Variants in TBC1D8B observed in about 807,000 individuals in gnomAD.
TBC1D8B encodes TBC1 domain family member 8B.
Under a neutral mutation model 82.9 loss-of-function variants are expected in TBC1D8B, and 75 were observed. The ratio of observed to expected loss-of-function variants is 0.90; its 90% CI spans 0.75 to 1.10. TBC1D8B has a LOEUF of 1.10. Ranked by LOEUF, TBC1D8B falls within the 50% of genes least tolerant of loss-of-function variation. TBC1D8B has a pLI of 0.00. For synonymous variants in TBC1D8B, 276 were observed against 276.8 expected (o/e 1.00, Z 0.03); for missense variants, 794 against 796.9 (o/e 1.00, Z 0.04).
In TBC1D8B at chrX:106,811,119, T is replaced by A. The variant is rs184138926; in HGVS notation, c.131-7544T>A. Among the ~76,000 whole-genome samples, 9 of 112,228 alleles carry A rather than the reference T, an allele frequency of 8.0e-5. No individual in the cohort carries two copies. In the East Asian group the frequency reaches 2.5e-3, roughly 32 times the overall value. On this transcript the variant is annotated intron_variant, in intron 1 of 20. Coordinates refer to ENST00000357242, the MANE Select transcript of TBC1D8B (RefSeq NM_017752.3). Reference sequence around the variant, plus strand: ...TATGCAAAGAGATCTTTAAAGGTAATTTTTTACTTGATTTCAGAGAATAAA... The same window carrying A: ...TATGCAAAGAGATCTTTAAAGGTAAATTTTTACTTGATTTCAGAGAATAAA...
intron 14 of TBC1D8B, among the ~76,000 whole-genome samples, chrX:106,860,387 T>G (rs1436890033): frequency 8.3e-5 from 7 of 83,961 alleles, no homozygotes; most frequent in Non-Finnish European, 1.8e-4. Context: ...GTGTGTGTGT[T>G]TCTGATTCAA....
At chrX:106,821,845 G>A (rs748407340) in intron 3 of TBC1D8B, 132 bp from the exon 4 acceptor site, 8 of 538,158 alleles carry the variant, frequency 1.5e-5, no homozygotes, top group African/African-American at 2.4e-5. Context: ...CTGGTTGGTT[G>A]AATCCATGGA....
chrX:106,833,900 C>T (rs1937304), intron 7 of TBC1D8B, among the ~76,000 whole-genome samples: 42,612 of 109,445 alleles, frequency 0.39, 7,598 homozygotes, highest in Middle Eastern at 0.6. Context: ...AAAAATGTAA[C>T]TCCTCGTTCA....
rs1363563826 is a variant in TBC1D8B at position 106,840,891 on chromosome X, CT to C, written c.1719+9del. 2.5e-6 allele frequency: 3 copies of C among 1,190,611 alleles called. No homozygotes were observed. In the African/African-American group the frequency reaches 5.3e-5, roughly 21 times the overall value. On this transcript the variant is annotated splice_region_variant and intron_variant, in intron 10 of 20. Coordinates refer to ENST00000357242, the MANE Select transcript of TBC1D8B (RefSeq NM_017752.3). ...CAAAATTGGATACTGCCAGGTATGA[CT>C]TAACTATGAGCCCAACTGTGTGTAT...
In TBC1D8B at chrX:106,849,220, A is replaced by ATTTTTTTT. The variant is rs761948032; in HGVS notation, c.1838-790_1838-783dup. The ATTTTTTTT allele has an allele frequency of 6.5e-5, 57 of 879,188 alleles. 6 individuals carry two copies. The highest frequency in any genetic ancestry group is 8.4e-5 in the Admixed American group (2 of 23,874). The allele number at this position is 879,188 out of a possible 1,213,427, so 72.5% of individuals were successfully genotyped here. The stretch of plus-strand genomic sequence containing the variant: ...TGTCTTTCATTATAATTATTTGTGT[A>ATTTTTTTT]TTTTTTTTTTTTTTTTTTTTTTAGG... On this transcript the variant is annotated intron_variant, in intron 11 of 20. Transcript: ENST00000357242.
chrX:106,816,499 C>T (rs1246557708), intron 1 of TBC1D8B, among the ~76,000 whole-genome samples: 4 of 110,975 alleles, frequency 3.6e-5, no homozygotes, highest in South Asian at 3.8e-4. Flanking sequence ...TAATTCCCTC[C>T]TCATTAGTTG....
rs751816443 is a variant in TBC1D8B, at chrX:106,837,124, C to T, written c.1204-2184C>T. Among the ~76,000 whole-genome samples, 25 of 111,924 alleles carry T rather than the reference C, an allele frequency of 2.2e-4. No homozygotes were observed. In the East Asian group the frequency reaches 6.7e-3, roughly 30 times the overall value. On this transcript the variant is annotated intron_variant, in intron 7 of 20. Transcript: ENST00000357242. Reference sequence around the variant, plus strand: ...ACACATAGGAGTTAATCTTCATGATCTTGAATTAGGCAATTGTTTATAGAT... The same window carrying T: ...ACACATAGGAGTTAATCTTCATGATTTTGAATTAGGCAATTGTTTATAGAT...
chrX:106,810,392 GT>G (rs1299517463), intron 1 of TBC1D8B, among the ~76,000 whole-genome samples: 1 of 111,830 alleles, frequency 8.9e-6, no homozygotes, highest in Non-Finnish European at 1.9e-5. Context: ...ATTCATTTAC[GT>G]GGAGTTGAAA....
At chrX:106,837,520 T>C in intron 7 of TBC1D8B, among the ~76,000 whole-genome samples, 1 of 111,751 alleles carries the variant, frequency 8.9e-6, no homozygotes, top group Non-Finnish European at 1.9e-5. Context: ...CTAGGGTGGC[T>C]ATAATTAAAA....
chrX:106,867,604 A>G (rs772078831), intron 17 of TBC1D8B, among the ~76,000 whole-genome samples: 7 of 108,614 alleles, frequency 6.4e-5, no homozygotes, highest in African/African-American at 2.5e-4. Context: ...CCTGATCCCT[A>G]CTTTGTGAAA....
chrX:106,844,492 T>A (rs1569453659), intron 10 of TBC1D8B, among the ~76,000 whole-genome samples: 1 of 100,714 alleles, frequency 9.9e-6, no homozygotes, highest in Non-Finnish European at 1.9e-5. Context: ...TATATATATA[T>A]AAACATATAT....
At chrX:106,854,153 A>T in intron 13 of TBC1D8B, 45 bp from the exon 14 acceptor site, 1 of 869,369 alleles carries the variant, frequency 1.2e-6, no homozygotes, top group African/African-American at 2.1e-5. Flanking sequence ...GAAAAAGTGG[A>T]TGTTTATTAT....
intron 14 of TBC1D8B, among the ~76,000 whole-genome samples, chrX:106,863,595 G>A (rs1035410045): frequency 1.8e-5 from 2 of 111,540 alleles, no homozygotes; most frequent in South Asian, 3.8e-4. Flanking sequence ...TGGGAGCTGC[G>A]GGAGTGAGTA....
In TBC1D8B at chrX:106,853,316, G is replaced by A. The variant is rs1932630426; in HGVS notation, c.2124-205G>A. Among the ~76,000 whole-genome samples the A allele has an allele frequency of 5.4e-5, 6 of 111,375 alleles. No homozygotes were observed. In the South Asian group the frequency reaches 2.3e-3, roughly 42 times the overall value. On this transcript the variant is annotated intron_variant, in intron 12 of 20. Coordinates refer to ENST00000357242, the MANE Select transcript of TBC1D8B (RefSeq NM_017752.3). ...CTGAAGTTGCTTATCAGCTTGAGGAGATTTTGGGCTGAGACGATGGGGTTT... is the reference window on the plus strand; with the variant it reads ...CTGAAGTTGCTTATCAGCTTGAGGAAATTTTGGGCTGAGACGATGGGGTTT...
chrX:106,819,543 T>G (rs1317199613), intron 2 of TBC1D8B, among the ~76,000 whole-genome samples: 5 of 111,238 alleles, frequency 4.5e-5, no homozygotes, highest in African/African-American at 1.3e-4. Flanking sequence ...ATTATAATTT[T>G]TTAAAAAGAA....
At chrX:106,845,620 G>A (rs947262131) in intron 10 of TBC1D8B, among the ~76,000 whole-genome samples, 5 of 111,067 alleles carry the variant, frequency 4.5e-5, no homozygotes, top group African/African-American at 1.6e-4. Flanking sequence ...AAAGCTGGAA[G>A]ATTAGCTGGA....
At position 106,828,626 on chromosome X, in the gene TBC1D8B, G is replaced by T. The variant is rs1169577010; in HGVS notation, c.1203+1289G>T. On this transcript the variant is annotated intron_variant, in intron 7 of 20. Coordinates refer to ENST00000357242, the MANE Select transcript of TBC1D8B (RefSeq NM_017752.3). ...GTGGGCTTCATCCCTGGGATGCAAGGCTGGTTCAATATACACAAATCAATA... is the reference window on the plus strand; with the variant it reads ...GTGGGCTTCATCCCTGGGATGCAAGTCTGGTTCAATATACACAAATCAATA... The T allele has an allele frequency of 6.4e-5, 7 of 109,565 alleles. No individual in the cohort carries two copies. In the East Asian group the frequency reaches 2.0e-3, roughly 31 times the overall value. 9.0% of individuals were successfully genotyped at this position (109,565 alleles called of 1,213,427 possible).
rs775314838 is a variant in TBC1D8B, at chrX:106,853,627, G to T, written c.2230G>T (p.Asp744Tyr). Residue 744 changes from aspartate to tyrosine, a missense_variant, in exon 13 of 21, where the codon GAT becomes TAT. Physicochemically the swap from Asp to Tyr is radical, Grantham distance 160. Coordinates refer to ENST00000357242, the MANE Select transcript of TBC1D8B (RefSeq NM_017752.3). ...KTSHTRVDIT[D>Y]LIRESNEKYG... is the part of the protein sequence containing the mutation. ...CAGTCATACTAGAGTGGATATTACA[G>T]ATTTGATTAGAGAATCAAATGAGGT... 8.3e-7 allele frequency: 1 copy of T among 1,207,153 alleles called. No individual in the cohort carries two copies. The highest frequency in any genetic ancestry group is 3.0e-5 in the East Asian group (1 of 33,707).
In TBC1D8B at chrX:106,809,215, G is replaced by C. The variant is rs112263918; in HGVS notation, c.130+6232G>C. 8.1e-3 allele frequency among the ~76,000 whole-genome samples: 910 copies of C among 111,659 alleles called. 5 individuals are homozygous for C. The highest frequency in any genetic ancestry group is 0.014 in the Middle Eastern group (3 of 216). ...TTTTAAAAAACAAGCACTGTTTTAA[G>C]TGCTGGAGATAAAGCAATGAAAAAA... On this transcript the variant is annotated intron_variant, in intron 1 of 20. Transcript: ENST00000357242.
Sources: allele counts gnomAD v4.1 joint callset (sites outside exome capture counted in the v4.1 genomes callset), GRCh38; gene constraint gnomAD v4.1.1; transcripts MANE v1.5; gene names NCBI Gene and HGNC (gene_info 2026-07-23, HGNC 2026-07-21).